Variants in SLC9A1 observed in about 807,000 individuals in gnomAD.
SLC9A1 encodes solute carrier family 9 member A1.
In SLC9A1, 22 loss-of-function variants were observed where a neutral mutation model predicts 67.9. That is an observed-to-expected ratio of 0.32 (90% CI 0.23 to 0.46). The LOEUF (loss-of-function observed/expected upper bound fraction) is 0.46, where lower values mean the gene tolerates loss of function less well. SLC9A1 is among the 20% of genes least tolerant of loss of function. SLC9A1 has a pLI of 1.00. For synonymous variants in SLC9A1, 421 were observed against 471.8 expected (o/e 0.89, Z 1.40); for missense variants, 686 against 1,094.8 (o/e 0.63, Z 5.27).
chr1:27,113,727 T>TA, intron 2 of SLC9A1, 99 bp downstream of exon 2: 1 of 941,962 alleles, frequency 1.1e-6, no homozygotes, highest in African/African-American at 1.6e-5. Context: ...CCTCAGCTGT[T>TA]TTTATTACTG....
Position 27,098,827 on chromosome 1 carries a change from T to A in SLC9A1, c.*1480A>T, listed in dbSNP as rs2083115653. ...CCTTGACTCTATTAAAAACTCACAT[T>A]GATTTATTAGAATATGAAAAAGATT... On this transcript the variant is annotated 3_prime_UTR_variant, in exon 12 of 12. Transcript: ENST00000263980. 6.6e-6 allele frequency: 1 copy of A among 152,432 alleles called. No individual in the cohort carries two copies. The highest frequency in any genetic ancestry group is 2.1e-4 in the South Asian group (1 of 4,826). The allele number at this position is 152,432 out of a possible 1,614,324, so 9.4% of individuals were successfully genotyped here.
chr1:27,155,122 G>C lies in SLC9A1; in HGVS notation c.-788C>G, dbSNP rs1044099362. Among the ~76,000 whole-genome samples, 19 of 152,120 alleles carry C rather than the reference G, an allele frequency of 1.2e-4. No individual in the cohort carries two copies. Among genetic ancestry groups the C allele is most frequent in the South Asian group, 2.1e-4 (1 of 4,828 alleles). ...CCTAGCCCCGGCCCCGGCGGCAGCA[G>C]ACTGAAGCCTAGCTGAGCCCGGCGC... On this transcript the variant is annotated 5_prime_UTR_variant, in exon 1 of 12. Transcript: ENST00000263980. This position sits in a 1 kb window ranked among gnomAD's most constrained non-coding sequence, Gnocchi z 4.5.
At chr1:27,135,070 T>A (rs1227127402) in intron 1 of SLC9A1, among the ~76,000 whole-genome samples, 3 of 148,868 alleles carry the variant, frequency 2.0e-5, no homozygotes, top group East Asian at 4.0e-4. Flanking sequence ...TTTTTTTTTT[T>A]AAAGGCAGGG....
intron 1 of SLC9A1, among the ~76,000 whole-genome samples, chr1:27,140,870 C>T (rs545228324): frequency 6.6e-4 from 100 of 152,182 alleles, no homozygotes; most frequent in Non-Finnish European, 1.1e-3. Context: ...GTCCTGGAGT[C>T]CAGCTTCAGC....
intron 1 of SLC9A1, 136 bp downstream of exon 1, chr1:27,153,847 G>C (rs1013014080): frequency 1.3e-5 from 8 of 614,512 alleles, no homozygotes; most frequent in Non-Finnish European, 2.3e-5. Flanking sequence ...GAAGGACCAA[G>C]GTGGCAGGAT....
At chr1:27,144,634 C>A (rs368711063) in intron 1 of SLC9A1, among the ~76,000 whole-genome samples, 184 of 152,350 alleles carry the variant, frequency 1.2e-3, no homozygotes, top group African/African-American at 4.0e-3. Context: ...CCTATCTTTA[C>A]ACTGAAGTCA....
At position 27,101,620 on chromosome 1, in the gene SLC9A1, G is replaced by T; in HGVS notation, c.2037+105C>A. On this transcript the variant is annotated intron_variant, in intron 10 of 11. Coordinates refer to ENST00000263980, the MANE Select transcript of SLC9A1 (RefSeq NM_003047.5). The surrounding 1 kb of genome is among the most constrained non-coding windows in gnomAD (Gnocchi z 4.9). The stretch of plus-strand genomic sequence containing the variant: ...GCCCTTACACTGCTAAAAGCCCCTC[G>T]AAAGCCAAACCCTGTTCCTAGAATG... The T allele has an allele frequency of 1.2e-6, 1 of 847,694 alleles. No homozygotes were observed. Among genetic ancestry groups the T allele is most frequent in the Non-Finnish European group, 1.9e-6 (1 of 522,258 alleles). 52.5% of individuals were successfully genotyped at this position (847,694 alleles called of 1,614,324 possible).
At chr1:27,140,884 G>A (rs2083449270) in intron 1 of SLC9A1, among the ~76,000 whole-genome samples, 1 of 152,136 alleles carries the variant, frequency 6.6e-6, no homozygotes, top group South Asian at 2.1e-4. Context: ...CTTCAGCTCT[G>A]CCACAGTCAG....
At chr1:27,123,404 T>C (rs1367693635) in intron 1 of SLC9A1, among the ~76,000 whole-genome samples, 3 of 152,208 alleles carry the variant, frequency 2.0e-5, no homozygotes, top group Non-Finnish European at 4.4e-5. Flanking sequence ...TTCAACTGCT[T>C]CTATGGGGCA....
Position 27,114,100 on chromosome 1 carries a change from C to T in SLC9A1, c.539G>A (p.Arg180Gln), listed in dbSNP as rs770741822. 7 of 1,614,156 alleles carry T rather than the reference C, an allele frequency of 4.3e-6. No homozygotes were observed. In the South Asian group the frequency reaches 4.4e-5, roughly 10 times the overall value. The change falls in exon 2 of 12, where the codon CGG becomes CAG. Residue 180 changes from arginine to glutamine, a missense_variant. Around this residue, in one of 7 missense-constraint regions of SLC9A1, gnomAD observed 29 missense variants for 71.9 expected, o/e 0.40. Coordinates refer to ENST00000263980, the MANE Select transcript of SLC9A1 (RefSeq NM_003047.5). The surrounding 1 kb of genome is among the most constrained non-coding windows in gnomAD (Gnocchi z 5.4). Reference protein sequence around the residue: ...ILDAGYFLPLRQFTENLGTIL... With the variant: ...ILDAGYFLPLQQFTENLGTIL... The stretch of plus-strand genomic sequence containing the variant: ...GGTGCCCAGGTTTTCTGTGAACTGC[C>T]GCAGTGGCAGGAAGTAGCCCGCATC...
At position 27,101,915 on chromosome 1, in the gene SLC9A1, C is replaced by T; in HGVS notation, c.1936-89G>A. 7.0e-7 allele frequency: 1 copy of T among 1,420,214 alleles called. No homozygotes were observed. The highest frequency in any genetic ancestry group is 9.9e-7 in the Non-Finnish European group (1 of 1,008,964). The allele number at this position is 1,420,214 out of a possible 1,614,324, so 88.0% of individuals were successfully genotyped here. A position where few individuals can be genotyped will look rare whatever the true frequency, so the allele number is the denominator to read the frequency against. On this transcript the variant is annotated intron_variant, in intron 9 of 11. Coordinates refer to ENST00000263980, the MANE Select transcript of SLC9A1 (RefSeq NM_003047.5). This position sits in a 1 kb window ranked among gnomAD's most constrained non-coding sequence, Gnocchi z 4.9. ...GGCAGTGCTGGAGGCCGGGCCAGTC[C>T]TGGGGTGGGTGCCGAGGGGCACGGG...
chr1:27,115,472 C>T (rs1244332912), intron 1 of SLC9A1, among the ~76,000 whole-genome samples: 1 of 152,096 alleles, frequency 6.6e-6, no homozygotes, highest in African/African-American at 2.4e-5. Context: ...GGGTACTATG[C>T]TCCCAGGGTT....
intron 6 of SLC9A1, 101 bp from the exon 7 acceptor site, chr1:27,102,844 G>T: frequency 9.3e-7 from 1 of 1,072,370 alleles, no homozygotes; most frequent in Non-Finnish European, 1.4e-6. Context: ...AGCCCTGCTG[G>T]GTCCAGCCCT....
chr1:27,114,312 C>T lies in SLC9A1; in HGVS notation c.353-26G>A, dbSNP rs748631773. On this transcript the variant is annotated intron_variant, in intron 1 of 11. Transcript: ENST00000263980. This position sits in a 1 kb window ranked among gnomAD's most constrained non-coding sequence, Gnocchi z 5.4. The stretch of plus-strand genomic sequence containing the variant: ...CTGCGGAGGGCGAGAGAACGGGAGG[C>T]CATGGGCTTTCGGAGGAGCCAGGAG... 7.0e-6 allele frequency: 11 copies of T among 1,581,544 alleles called. No homozygotes were observed. Among genetic ancestry groups the T allele is most frequent in the Non-Finnish European group, 7.8e-6 (9 of 1,156,718 alleles).
Position 27,100,247 on chromosome 1 carries a change from C to A in SLC9A1, c.*60G>T. On this transcript the variant is annotated 3_prime_UTR_variant, in exon 12 of 12. Transcript: ENST00000263980. The surrounding 1 kb of genome is among the most constrained non-coding windows in gnomAD (Gnocchi z 5.6). ...CAGGAAGGGCAAGGGGAGCCCCCAG[C>A]AGCCCCTGCTCTGGTGGAAGAGTCT... 7.7e-7 allele frequency: 1 copy of A among 1,295,712 alleles called. No individual in the cohort carries two copies. The highest frequency in any genetic ancestry group is 1.5e-5 in the South Asian group (1 of 64,724). The allele number at this position is 1,295,712 out of a possible 1,614,324, so 80.3% of individuals were successfully genotyped here.
At chr1:27,129,912 G>A (rs1245544853) in intron 1 of SLC9A1, among the ~76,000 whole-genome samples, 1 of 152,158 alleles carries the variant, frequency 6.6e-6, no homozygotes, top group Non-Finnish European at 1.5e-5. Context: ...AACCGGGGCA[G>A]AGAGAAATGG....
chr1:27,102,916 G>A (rs904655982), intron 6 of SLC9A1, 173 bp from the exon 7 acceptor site: 1 of 648,016 alleles, frequency 1.5e-6, no homozygotes, highest in African/African-American at 1.8e-5. Context: ...CAGCGGCCCT[G>A]ACTCTGGGTA....
At chr1:27,108,153 G>A (rs377163303) in intron 3 of SLC9A1, among the ~76,000 whole-genome samples, 8 of 142,670 alleles carry the variant, frequency 5.6e-5, no homozygotes, top group East Asian at 4.3e-4. Flanking sequence ...TGCAACCTCC[G>A]CCTCCCGGGT....
chr1:27,154,321 G>A lies in SLC9A1; in HGVS notation c.14C>T (p.Ser5Phe), dbSNP rs2124224908. The A allele has an allele frequency of 6.3e-7, 1 of 1,594,764 alleles. No individual in the cohort carries two copies. The highest frequency in any genetic ancestry group is 1.7e-5 in the Admixed American group (1 of 58,802). The change falls in exon 1 of 12, where the codon TCT (serine) becomes TTT (phenylalanine). Residue 5 changes from serine (S) to phenylalanine (F), a missense_variant. Ser to Phe is a radical substitution (Grantham distance 155). Around this residue, in one of 7 missense-constraint regions of SLC9A1, gnomAD observed 143 missense variants for 166.7 expected, o/e 0.86. Coordinates refer to ENST00000263980, the MANE Select transcript of SLC9A1 (RefSeq NM_003047.5). MVLR[S>F]GICGLSPHRI... ...ATGTGGAGAGAGGCCACAGATGCCAGACCGCAGAACCATGGTGCTGCTTCC... is the reference window on the plus strand; with the variant it reads ...ATGTGGAGAGAGGCCACAGATGCCAAACCGCAGAACCATGGTGCTGCTTCC...
Sources: gnomAD v4.1 joint callset for allele counts (sites outside exome capture counted in the v4.1 genomes callset) on GRCh38, gnomAD v4.1.1 for gene constraint, gnomAD v4.1.1 regional missense constraint, Gnocchi (gnomAD v3.1) non-coding constraint, MANE v1.5 for transcripts, NCBI Gene and HGNC (gene_info 2026-07-23, HGNC 2026-07-21) for gene names.